The following STK33 variants were observed in gnomAD, a reference collection of about 807,000 sequenced individuals.
The protein encoded by STK33 is serine/threonine-protein kinase 33.
STK33 carries 52 observed loss-of-function variants against 58.0 expected under a neutral mutation model. That is an observed-to-expected ratio of 0.90 (90% confidence interval 0.72 to 1.13). The LOEUF is 1.13. Among genes scored for constraint, STK33 ranks in the 50% most tolerant of loss-of-function variants. STK33 has a pLI of 0.00. For synonymous variants in STK33, 215 were observed against 200.1 expected, an observed-to-expected ratio of 1.07 and a Z score of -0.63; for missense variants, 630 against 604.2, an observed-to-expected ratio of 1.04 and a Z score of -0.45.
chr11:8,503,441 GAAC>G (rs1951659633), intron 1 of STK33, among the ~76,000 whole-genome samples: 1 of 152,126 alleles, frequency 6.6e-6, no homozygotes, highest in African/African-American at 2.4e-5. Context: ...ACAAAGAAGG[GAAC>G]AATAGACACT....
the STK33 span, among the ~76,000 whole-genome samples, chr11:8,381,552 C>A: frequency 6.6e-6 from 1 of 152,138 alleles, no homozygotes; most frequent in Non-Finnish European, 1.5e-5. Context: ...CCACAGTGAA[C>A]ATCCTGAATG....
chr11:8,572,854 T>G (rs572761022), intron 1 of STK33, among the ~76,000 whole-genome samples: 9 of 152,084 alleles, frequency 5.9e-5, no homozygotes, highest in African/African-American at 2.2e-4. Context: ...AAAGGCATAG[T>G]AATAGGAACT....
At chr11:8,370,234 G>A in the STK33 span, among the ~76,000 whole-genome samples, 2 of 152,048 alleles carry the variant, frequency 1.3e-5, no homozygotes, top group East Asian at 3.9e-4. Context: ...GCCTCACTCT[G>A]CCACCCAGGC....
chr11:8,584,925 ATTT>A (rs11331618), intron 1 of STK33, among the ~76,000 whole-genome samples: 188 of 139,760 alleles, frequency 1.3e-3, no homozygotes, highest in African/African-American at 4.6e-3. Flanking sequence ...AAAGAAAATG[ATTT>A]TTTTTTTTTT....
At chr11:8,368,457 C>T in the STK33 span, among the ~76,000 whole-genome samples, 1 of 152,236 alleles carries the variant, frequency 6.6e-6, no homozygotes, top group Admixed American at 6.5e-5. Context: ...CCTCAGCAGA[C>T]CCAGGATGGG....
chr11:8,574,663 T>C (rs1173713597), intron 1 of STK33, among the ~76,000 whole-genome samples: 2 of 152,086 alleles, frequency 1.3e-5, no homozygotes, highest in Non-Finnish European at 2.9e-5. Flanking sequence ...CAAGTACATA[T>C]AACTACAGAC....
At chr11:8,518,370 C>A (rs1454071505) in intron 1 of STK33, among the ~76,000 whole-genome samples, 1 of 152,136 alleles carries the variant, frequency 6.6e-6, no homozygotes. Context: ...ACAACCGGTA[C>A]CAGCCACTGC....
At chr11:8,365,662 G>T in the STK33 span, among the ~76,000 whole-genome samples, 12 of 152,228 alleles carry the variant, frequency 7.9e-5, no homozygotes, top group South Asian at 2.3e-3. Context: ...TTCCAGCCCA[G>T]CTCCCGGCTG....
At chr11:8,462,832 C>A (rs1591276431) in intron 7 of STK33, among the ~76,000 whole-genome samples, 1 of 152,106 alleles carries the variant, frequency 6.6e-6, no homozygotes, top group East Asian at 1.9e-4. Flanking sequence ...ACCGCCCTGC[C>A]AAATCATCAC....
chr11:8,489,365 A>G (rs1396217080), intron 1 of STK33, among the ~76,000 whole-genome samples: 1 of 152,154 alleles, frequency 6.6e-6, no homozygotes, highest in Non-Finnish European at 1.5e-5. Flanking sequence ...CAATAAATAT[A>G]TATGTTTTAG....
At chr11:8,534,971 G>A (rs1954879982) in intron 1 of STK33, among the ~76,000 whole-genome samples, 1 of 152,122 alleles carries the variant, frequency 6.6e-6, no homozygotes, top group Non-Finnish European at 1.5e-5. Context: ...GGATGATAAC[G>A]TCCTCTAAGC....
At chr11:8,424,951 G>T (rs11041915) in intron 14 of STK33, among the ~76,000 whole-genome samples, 132,597 of 133,246 alleles carry the variant, frequency 1, 65,995 homozygotes, top group East Asian at 1. Flanking sequence ...TTCACTCTGA[G>T]GGTAGTTTCT....
intron 11 of STK33, among the ~76,000 whole-genome samples, chr11:8,443,464 T>C (rs895674759): frequency 3.9e-5 from 6 of 152,180 alleles, no homozygotes; most frequent in Admixed American, 3.9e-4. Flanking sequence ...CTAACATGCA[T>C]TCCATGCATT....
Position 8,498,920 on chromosome 11 carries a change from C to CA in STK33, c.-465-18307dup, listed in dbSNP as rs544272174. Among the ~76,000 whole-genome samples, 474 of 152,274 alleles carry CA rather than the reference C, an allele frequency of 3.1e-3. 3 individuals are homozygous for CA. The highest frequency in any genetic ancestry group is 0.011 in the African/African-American group (455 of 41,546). Reference sequence around the variant, plus strand: ...CTGGACCCCTTCCTTATACCTTATACAAAAATTAACTCAAGATGAATTAAA... The same window carrying CA: ...CTGGACCCCTTCCTTATACCTTATACAAAAAATTAACTCAAGATGAATTAAA... On this transcript the variant is annotated intron_variant, in intron 1 of 15. Coordinates refer to ENST00000687296, the MANE Select transcript of STK33 (RefSeq NM_001352389.2).
At chr11:8,388,069 G>A (rs867814920), downstream of STK33, among the ~76,000 whole-genome samples, 11 of 152,180 alleles carry the variant, frequency 7.2e-5, 1 homozygote, top group Admixed American at 2.6e-4. Context: ...TCTGCACGGC[G>A]TCTCTAGTCC....
At chr11:8,369,648 C>T in the STK33 span, among the ~76,000 whole-genome samples, 3 of 152,192 alleles carry the variant, frequency 2.0e-5, no homozygotes, top group East Asian at 5.8e-4. Flanking sequence ...GAGTGGGGTT[C>T]CAGAGAGCTC....
intron 11 of STK33, among the ~76,000 whole-genome samples, chr11:8,447,155 T>C (rs1001264058): frequency 6.6e-6 from 1 of 151,588 alleles, no homozygotes; most frequent in Non-Finnish European, 1.5e-5. Flanking sequence ...GCAAAGGATA[T>C]GAACAGACAC....
At chr11:8,339,416 A>G in the STK33 span, among the ~76,000 whole-genome samples, 6 of 152,360 alleles carry the variant, frequency 3.9e-5, no homozygotes, top group South Asian at 1.2e-3. Flanking sequence ...TGTCTTTGGT[A>G]AATTTATTTT....
intron 1 of STK33, among the ~76,000 whole-genome samples, chr11:8,574,699 A>G (rs1958055996): frequency 6.6e-6 from 1 of 152,158 alleles, no homozygotes; most frequent in South Asian, 2.1e-4. Flanking sequence ...ACCTAGAAGC[A>G]AAAATTCTTA....
Sources: allele counts gnomAD v4.1 joint callset (sites outside exome capture counted in the v4.1 genomes callset), GRCh38; gene constraint gnomAD v4.1.1; transcripts MANE v1.5; gene names NCBI Gene and HGNC (gene_info 2026-07-23, HGNC 2026-07-21).